ROR2: variants seen among roughly 807,000 people sequenced by gnomAD.
ROR2 encodes the protein ROR family WNT receptor 2, also known as tyrosine-protein kinase transmembrane receptor ROR2.
ROR2 carries 33 observed loss-of-function variants against 74.9 expected under a neutral mutation model. The ratio of observed to expected loss-of-function variants is 0.44; its 90% confidence interval spans 0.33 to 0.59. ROR2 has a LOEUF of 0.59. ROR2 is among the 20% of genes least tolerant of loss of function. ROR2 has a pLI of 0.02. For missense variants in ROR2, 1,216 were observed against 1,313.8 expected (o/e 0.93, Z 1.15); for synonymous variants, 586 against 558.7 (o/e 1.05, Z -0.69).
In ROR2 at chr9:91,829,549, C is replaced by CAAAAAAAAAAAA. The variant is rs34687056; in HGVS notation, c.98-53743_98-53732dup. On this transcript the variant is annotated intron_variant, in intron 1 of 8. Transcript: ENST00000375708. The stretch of plus-strand genomic sequence containing the variant: ...TGGGTGACACAGCGAGACTCCGTCT[C>CAAAAAAAAAAAA]AAAAAAAAAAAAAAAAAAAAAAAAG... 7.3e-3 allele frequency among the ~76,000 whole-genome samples: 296 copies of CAAAAAAAAAAAA among 40,504 alleles called. 46 individuals carry two copies. Among genetic ancestry groups the CAAAAAAAAAAAA allele is most frequent in the African/African-American group, 0.012 (124 of 10,194 alleles). 26.6% of individuals were successfully genotyped at this position (40,504 alleles called of 152,430 possible). A position where few individuals can be genotyped will look rare whatever the true frequency, so the allele number is the denominator to read the frequency against.
intron 1 of ROR2, chr9:91,948,546 C>T (rs1302285744): frequency 1.5e-5 from 15 of 981,794 alleles, no homozygotes; most frequent in Non-Finnish European, 2.4e-6. Context: ...ACGTAATCAA[C>T]ATCTGCTTAA....
At chr9:91,752,625 G>T (rs1587686272) in intron 4 of ROR2, among the ~76,000 whole-genome samples, 2 of 152,224 alleles carry the variant, frequency 1.3e-5, no homozygotes, top group Admixed American at 6.5e-5. Flanking sequence ...GCGTGACAGA[G>T]ATTCTGTATC....
intron 2 of ROR2, among the ~76,000 whole-genome samples, chr9:91,774,900 C>T (rs192855166): frequency 6.6e-6 from 1 of 152,258 alleles, no homozygotes; most frequent in East Asian, 1.9e-4. Flanking sequence ...TCTGTTTATC[C>T]CAAAGAACCG....
intron 1 of ROR2, among the ~76,000 whole-genome samples, chr9:91,921,910 AC>A (rs1229164583): frequency 2.0e-5 from 3 of 150,380 alleles, no homozygotes; most frequent in Non-Finnish European, 4.4e-5. Context: ...TAAAAAGACA[AC>A]CCAAGGTGAG....
intron 1 of ROR2, among the ~76,000 whole-genome samples, chr9:91,802,989 ACAGGTTATCAGCT>A (rs1827441064): frequency 6.6e-6 from 1 of 152,282 alleles, no homozygotes; most frequent in East Asian, 1.9e-4. Flanking sequence ...AACCACGACA[ACAGGTTATCAGCT>A]CACACCCACT....
At chr9:91,949,419 G>C (rs1202566385) in intron 1 of ROR2, among the ~76,000 whole-genome samples, 1 of 151,986 alleles carries the variant, frequency 6.6e-6, no homozygotes, top group Non-Finnish European at 1.5e-5. Flanking sequence ...CTGGGGGTGG[G>C]GGGACGCTCC....
chr9:91,813,270 G>A (rs1175217621), intron 1 of ROR2, among the ~76,000 whole-genome samples: 6 of 152,036 alleles, frequency 3.9e-5, no homozygotes, highest in African/African-American at 1.4e-4. Flanking sequence ...CACACCCCTC[G>A]CTCTACAAAG....
At chr9:91,739,490 G>A (rs1231302673) in intron 4 of ROR2, among the ~76,000 whole-genome samples, 7 of 118,714 alleles carry the variant, frequency 5.9e-5, no homozygotes, top group African/African-American at 2.3e-4. Flanking sequence ...TGGGTGACAA[G>A]AGCAAGACCC....
chr9:91,861,499 G>C (rs552662045), intron 1 of ROR2, among the ~76,000 whole-genome samples: 1 of 152,272 alleles, frequency 6.6e-6, no homozygotes, highest in East Asian at 1.9e-4. Flanking sequence ...CCAAAACAAT[G>C]CCAGAGAAAG....
At chr9:91,862,450 G>C (rs1318237640) in intron 1 of ROR2, among the ~76,000 whole-genome samples, 1 of 152,084 alleles carries the variant, frequency 6.6e-6, no homozygotes, top group Middle Eastern at 3.2e-3. Context: ...TTGAGGCCAA[G>C]AGTTCAGAAA....
At chr9:91,922,421 T>C (rs893569567) in intron 1 of ROR2, among the ~76,000 whole-genome samples, 1 of 152,176 alleles carries the variant, frequency 6.6e-6, no homozygotes, top group East Asian at 1.9e-4. Flanking sequence ...CAGTTTGATG[T>C]CCATACTGAA....
At chr9:91,867,658 G>GTGTGTGTGTA (rs1564009313) in intron 1 of ROR2, among the ~76,000 whole-genome samples, 3 of 57,004 alleles carry the variant, frequency 5.3e-5, no homozygotes, top group Non-Finnish European at 9.3e-5. Flanking sequence ...CCCATGAGCT[G>GTGTGTGTGTA]TGTGTGTGTG....
At chr9:91,796,317 C>T (rs145072977) in intron 1 of ROR2, among the ~76,000 whole-genome samples, 192 of 151,846 alleles carry the variant, frequency 1.3e-3, no homozygotes, top group Non-Finnish European at 2.4e-3. Flanking sequence ...CCAGTAATCT[C>T]AGCTACTCTG....
At chr9:91,788,091 C>A (rs1449707398) in intron 1 of ROR2, among the ~76,000 whole-genome samples, 1 of 152,014 alleles carries the variant, frequency 6.6e-6, no homozygotes, top group African/African-American at 2.4e-5. Context: ...ATTCACTAGA[C>A]AGACTCAACA....
chr9:91,934,680 T>TAG (rs57110729), intron 1 of ROR2, among the ~76,000 whole-genome samples: 8,655 of 152,204 alleles, frequency 0.057, 513 homozygotes, highest in East Asian at 0.24. Flanking sequence ...ATGAGAAACT[T>TAG]GACTTAGTTC....
At chr9:91,843,477 G>A (rs1045929098) in intron 1 of ROR2, among the ~76,000 whole-genome samples, 4 of 152,212 alleles carry the variant, frequency 2.6e-5, no homozygotes, top group Non-Finnish European at 4.4e-5. Context: ...AGCCCTCAGT[G>A]CCTTTAAGAA....
chr9:91,950,191 G>A lies in ROR2; in HGVS notation c.-228C>T. 3.5e-6 allele frequency: 1 copy of A among 289,076 alleles called. No homozygotes were observed. The highest frequency in any genetic ancestry group is 2.2e-5 in the African/African-American group (1 of 45,292). The allele number at this position is 289,076 out of a possible 1,614,324, so 17.9% of individuals were successfully genotyped here. ...GAGGTTCCTTGGCGCGGGCTGGGGC[G>A]TCCCGCCGGCCGCCAGGACGAGCGC... On this transcript the variant is annotated 5_prime_UTR_variant, in exon 1 of 9. In the 5' UTR this introduces an upstream ATG that the reference lacks. Coordinates refer to ENST00000375708, the MANE Select transcript of ROR2 (RefSeq NM_004560.4).
At chr9:91,866,417 C>CTTTT (rs59024037) in intron 1 of ROR2, among the ~76,000 whole-genome samples, 15 of 103,890 alleles carry the variant, frequency 1.4e-4, no homozygotes, top group Admixed American at 2.3e-4. Context: ...CACGCCCAGT[C>CTTTT]TTTTTTTTTT....
intron 1 of ROR2, among the ~76,000 whole-genome samples, chr9:91,936,026 C>T (rs2117998748): frequency 6.6e-6 from 1 of 152,320 alleles, no homozygotes; most frequent in African/African-American, 2.4e-5. Flanking sequence ...TGAGTCTGTG[C>T]CCCCAACTCC....
Sources: gnomAD v4.1 joint callset for allele counts (sites outside exome capture counted in the v4.1 genomes callset) on GRCh38, gnomAD v4.1.1 for gene constraint, MANE v1.5 for transcripts, NCBI Gene and HGNC (gene_info 2026-07-23, HGNC 2026-07-21) for gene names.